Variants in ROBO2 observed in about 807,000 individuals in gnomAD.
ROBO2 encodes the protein roundabout guidance receptor 2.
ROBO2 carries 53 observed loss-of-function variants against 160.8 expected under a neutral mutation model. The ratio of observed to expected loss-of-function variants is 0.33; its 90% CI spans 0.26 to 0.41. The LOEUF (loss-of-function observed/expected upper bound fraction) is 0.41, where lower values mean the gene tolerates loss of function less well. ROBO2 is among the 10% of genes least tolerant of loss of function. ROBO2 has a pLI of 1.00. For synonymous variants in ROBO2, 664 were observed against 611.7 expected, an observed-to-expected ratio of 1.09 and a Z score of -1.26; for missense variants, 1,577 against 1,722.4, an observed-to-expected ratio of 0.92 and a Z score of 1.49.
chr3:76,895,849 T>C (rs1324609567), intron 2 of ROBO2, among the ~76,000 whole-genome samples: 1 of 152,222 alleles, frequency 6.6e-6, no homozygotes, highest in African/African-American at 2.4e-5. Flanking sequence ...GCTCTAATTC[T>C]CCCAAGAATG....
chr3:76,565,732 A>G (rs1212169635), intron 2 of ROBO2, among the ~76,000 whole-genome samples: 1 of 152,172 alleles, frequency 6.6e-6, no homozygotes, highest in Non-Finnish European at 1.5e-5. Flanking sequence ...CAATGAAAGG[A>G]GGAAGTTGTT....
chr3:76,058,175 A>G (rs751017165), intron 2 of ROBO2, among the ~76,000 whole-genome samples: 4 of 152,004 alleles, frequency 2.6e-5, no homozygotes, highest in Admixed American at 6.6e-5. Context: ...ACGTAGGTAT[A>G]CACATGCCAT....
At chr3:77,201,613 A>T (rs1275694449) in intron 2 of ROBO2, among the ~76,000 whole-genome samples, 1 of 152,212 alleles carries the variant, frequency 6.6e-6, no homozygotes, top group Non-Finnish European at 1.5e-5. Flanking sequence ...GTTTTACATA[A>T]AAGTATGTTG....
chr3:76,505,627 A>G lies in ROBO2; in HGVS notation c.109+568025A>G, dbSNP rs115727088. Among the ~76,000 whole-genome samples, 519 of 152,308 alleles carry G rather than the reference A, an allele frequency of 3.4e-3. 2 individuals carry two copies. Among genetic ancestry groups the G allele is most frequent in the African/African-American group, 0.012 (491 of 41,570 alleles). ...TCTACCCACTGACAGAGGGAATGAC[A>G]GACAGAAATTGGAATGAGGCATCTA... On this transcript the variant is annotated intron_variant, in intron 2 of 26. Transcript: ENST00000487694.
At chr3:76,110,860 C>T (rs1447675174) in intron 2 of ROBO2, among the ~76,000 whole-genome samples, 1 of 152,058 alleles carries the variant, frequency 6.6e-6, no homozygotes, top group Non-Finnish European at 1.5e-5. Flanking sequence ...CATAAAAATA[C>T]TGTGCTTAAA....
chr3:77,040,511 G>T (rs2063982520), exon 1 of ROBO2: 3 of 1,340,876 alleles, frequency 2.2e-6, no homozygotes, highest in Admixed American at 3.2e-5. Context: ...TAATCCCTCT[G>T]GCTGGGCTGA....
intron 2 of ROBO2, among the ~76,000 whole-genome samples, chr3:76,843,243 ATG>A (rs1197550558): frequency 4.0e-5 from 6 of 150,362 alleles, no homozygotes; most frequent in African/African-American, 1.5e-4. Flanking sequence ...TATTTGCTAA[ATG>A]TAATATCATA....
At chr3:76,020,467 GT>G (rs2066542010) in intron 2 of ROBO2, among the ~76,000 whole-genome samples, 1 of 151,458 alleles carries the variant, frequency 6.6e-6, no homozygotes, top group Admixed American at 6.6e-5. Flanking sequence ...CACCCTTTAA[GT>G]TTTTATTTAA....
At chr3:76,547,733 G>T (rs528418351) in intron 2 of ROBO2, among the ~76,000 whole-genome samples, 2 of 152,182 alleles carry the variant, frequency 1.3e-5, no homozygotes, top group East Asian at 1.9e-4. Context: ...AAATTTGCTT[G>T]AACAGGATCT....
At position 77,414,922 on chromosome 3, in the gene ROBO2, T is replaced by C. The variant is rs78747142; in HGVS notation, c.389-62492T>C. Among the ~76,000 whole-genome samples, 413 of 152,314 alleles carry C rather than the reference T, an allele frequency of 2.7e-3. 1 individual carries two copies. Among genetic ancestry groups the C allele is most frequent in the African/African-American group, 8.7e-3 (363 of 41,578 alleles). On this transcript the variant is annotated intron_variant, in intron 2 of 25. Transcript: ENST00000461745. The stretch of plus-strand genomic sequence containing the variant: ...AGAGAATTCCTTTTCCAGTCTTGTT[T>C]AATTTAAGCAATGAAGTATTGAGTG...
intron 2 of ROBO2, among the ~76,000 whole-genome samples, chr3:76,449,854 T>C (rs1450666998): frequency 6.6e-6 from 1 of 152,168 alleles, no homozygotes; most frequent in Non-Finnish European, 1.5e-5. Flanking sequence ...ATTGCATATA[T>C]TGGATATTTA....
chr3:77,242,978 C>A (rs11713875), intron 2 of ROBO2, among the ~76,000 whole-genome samples: 5,334 of 150,288 alleles, frequency 0.035, 148 homozygotes, highest in South Asian at 0.088. Flanking sequence ...TGTGTGCGTG[C>A]GTGTTTGTGT....
At chr3:77,212,576 C>T (rs2084330489) in intron 2 of ROBO2, among the ~76,000 whole-genome samples, 1 of 152,076 alleles carries the variant, frequency 6.6e-6, no homozygotes, top group African/African-American at 2.4e-5. Context: ...TTTCCTTCTC[C>T]TGCCTGATTG....
At chr3:76,917,687 T>G (rs2076409165) in intron 2 of ROBO2, among the ~76,000 whole-genome samples, 1 of 152,044 alleles carries the variant, frequency 6.6e-6, no homozygotes, top group Non-Finnish European at 1.5e-5. Context: ...AAAATAAAAG[T>G]TTTTTTAAAA....
At chr3:77,251,680 G>T (rs951305994) in intron 2 of ROBO2, among the ~76,000 whole-genome samples, 1 of 152,104 alleles carries the variant, frequency 6.6e-6, no homozygotes, top group African/African-American at 2.4e-5. Context: ...GACCTAGGGG[G>T]AGATGATTGA....
intron 2 of ROBO2, among the ~76,000 whole-genome samples, chr3:77,252,831 A>AAAAAAAATAT: frequency 4.8e-4 from 6 of 12,518 alleles, no homozygotes; most frequent in African/African-American, 9.5e-4. Flanking sequence ...AAAAAAAAAA[A>AAAAAAAATAT]ATATATATAT....
chr3:76,398,332 G>GT (rs1450617335), intron 2 of ROBO2, among the ~76,000 whole-genome samples: 1 of 151,050 alleles, frequency 6.6e-6, no homozygotes, highest in Non-Finnish European at 1.5e-5. Flanking sequence ...TTGTGGGGTG[G>GT]GGGGAGGAGG....
At chr3:76,805,484 TC>T (rs1010213813) in intron 2 of ROBO2, among the ~76,000 whole-genome samples, 10 of 151,600 alleles carry the variant, frequency 6.6e-5, no homozygotes, top group Admixed American at 1.3e-4. Flanking sequence ...AAATATATGT[TC>T]CCCCCATATA....
chr3:76,367,042 T>C (rs1440140734), intron 2 of ROBO2, among the ~76,000 whole-genome samples: 1 of 152,064 alleles, frequency 6.6e-6, no homozygotes, highest in East Asian at 1.9e-4. Context: ...AGCAATTTTA[T>C]ATGAATTTCA....
Sources: allele counts gnomAD v4.1 joint callset (sites outside exome capture counted in the v4.1 genomes callset), GRCh38; gene constraint gnomAD v4.1.1; transcripts MANE v1.5; gene names NCBI Gene and HGNC (gene_info 2026-07-23, HGNC 2026-07-21).